Variants in WBP4 observed in about 807,000 individuals in gnomAD.
The protein encoded by WBP4 is WW domain binding protein 4, also known as WW domain-binding protein 4.
A neutral mutation model predicts 55.4 loss-of-function variants in WBP4; 37 were observed. The ratio of observed to expected loss-of-function variants is 0.67; its 90% CI spans 0.51 to 0.88. The LOEUF is 0.88. WBP4 is among the 40% of genes least tolerant of loss of function. The probability of loss-of-function intolerance (pLI) is 0.00; values close to 1 mark genes in which losing one functional copy is unlikely to be tolerated. For missense variants in WBP4, 398 were observed against 420.8 expected (o/e 0.95, Z 0.47); for synonymous variants, 142 against 140.2 (o/e 1.01, Z -0.09).
intron 8 of WBP4, among the ~76,000 whole-genome samples, chr13:41,077,244 A>G (rs1179572151): frequency 1.3e-5 from 2 of 152,202 alleles, no homozygotes; most frequent in Non-Finnish European, 2.9e-5. Flanking sequence ...GATAAAAAGC[A>G]TTTGTTAAAA....
chr13:41,082,630 T>C, intron 9 of WBP4, 74 bp from the exon 10 acceptor site: 1 of 1,377,696 alleles, frequency 7.3e-7, no homozygotes, highest in Non-Finnish European at 1.0e-6. Flanking sequence ...AGAAAGCTGA[T>C]CTTGGGGCAT....
At chr13:41,077,445 T>G (rs1172924577) in intron 8 of WBP4, among the ~76,000 whole-genome samples, 2 of 151,996 alleles carry the variant, frequency 1.3e-5, no homozygotes, top group Non-Finnish European at 2.9e-5. Flanking sequence ...TGAGCTGAGA[T>G]AGTGCCACTG....
At position 41,068,746 on chromosome 13, in the gene WBP4, T is replaced by A; in HGVS notation, c.439+9T>A. 2 of 1,559,894 alleles carry A rather than the reference T, an allele frequency of 1.3e-6. No individual in the cohort carries two copies. Among genetic ancestry groups the A allele is most frequent in the Non-Finnish European group, 1.7e-6 (2 of 1,154,852 alleles). On this transcript the variant is annotated intron_variant, in intron 5 of 9. Coordinates refer to ENST00000379487, the MANE Select transcript of WBP4 (RefSeq NM_007187.5). ...TGATCTTATCTCAGGAGGTAAGTCA[T>A]TTAGGCATAAAACTGGTAAAGAACA...
chr13:41,073,785 C>G (rs754858772), intron 7 of WBP4, among the ~76,000 whole-genome samples: 1 of 151,962 alleles, frequency 6.6e-6, no homozygotes, highest in African/African-American at 2.4e-5. Context: ...CCAGTCTGGG[C>G]GACAGAGCAA....
chr13:41,074,107 A>G (rs1878372327), intron 7 of WBP4, among the ~76,000 whole-genome samples: 1 of 151,598 alleles, frequency 6.6e-6, no homozygotes, highest in South Asian at 2.1e-4. Context: ...AATTTTTTGT[A>G]TTTTTAGTAG....
At chr13:41,069,373 C>A (rs1314887102) in intron 5 of WBP4, among the ~76,000 whole-genome samples, 1 of 151,982 alleles carries the variant, frequency 6.6e-6, no homozygotes, top group African/African-American at 2.4e-5. Flanking sequence ...ACTAAAAATA[C>A]AAAATTAGGC....
chr13:41,080,200 A>G (rs1452140920), intron 8 of WBP4, among the ~76,000 whole-genome samples: 1 of 152,222 alleles, frequency 6.6e-6, no homozygotes, highest in Non-Finnish European at 1.5e-5. Context: ...TGTGCCCCCT[A>G]AGTTATTTTT....
Position 41,083,292 on chromosome 13 carries a change from C to A in WBP4, c.*378C>A, listed in dbSNP as rs1362939342. 1 of 174,998 alleles carries A rather than the reference C, an allele frequency of 5.7e-6. No homozygotes were observed. Among genetic ancestry groups the A allele is most frequent in the African/African-American group, 2.4e-5 (1 of 41,736 alleles). The allele number at this position is 174,998 out of a possible 1,614,324, so 10.8% of individuals were successfully genotyped here. On this transcript the variant is annotated 3_prime_UTR_variant, in exon 10 of 10. Coordinates refer to ENST00000379487, the MANE Select transcript of WBP4 (RefSeq NM_007187.5). ...TTTGCACATTGATATTAACTGTTGT[C>A]CAACAAATAAGTATCGGAGTACGTG...
rs1269951822 is a variant in WBP4 at position 41,068,677 on chromosome 13, A to G, written c.379A>G (p.Arg127Gly). 1.5e-5 allele frequency: 24 copies of G among 1,613,690 alleles called. No individual in the cohort carries two copies. Among genetic ancestry groups the G allele is most frequent in the Non-Finnish European group, 1.9e-5 (23 of 1,179,870 alleles). ...KKRKKDPSKG[R>G]WVEGITSEGY... Reference sequence around the variant, plus strand: ...AAGAAAAAAAGATCCTTCAAAGGGCAGATGGGTAGAAGGCATAACCTCTGA... The same window carrying G: ...AAGAAAAAAAGATCCTTCAAAGGGCGGATGGGTAGAAGGCATAACCTCTGA... Residue 127 changes from arginine (R) to glycine (G), a missense_variant, in exon 5 of 10, where the codon AGA (arginine) becomes GGA (glycine). Physicochemically the swap from Arg to Gly is moderately radical, Grantham distance 125 (BLOSUM62 -2). Transcript: ENST00000379487.
At chr13:41,068,235 C>G (rs1878064621) in intron 4 of WBP4, among the ~76,000 whole-genome samples, 1 of 152,038 alleles carries the variant, frequency 6.6e-6, no homozygotes, top group Admixed American at 6.5e-5. Flanking sequence ...TACCAGCCAA[C>G]CTGAAGTTGG....
chr13:41,080,436 G>C (rs929521790), intron 8 of WBP4, among the ~76,000 whole-genome samples: 1 of 152,080 alleles, frequency 6.6e-6, no homozygotes, highest in East Asian at 1.9e-4. Flanking sequence ...TGGTGATTTA[G>C]GGAGCCTTTG....
chr13:41,062,364 A>G, intron 1 of WBP4: 2 of 887,180 alleles, frequency 2.3e-6, no homozygotes, highest in Non-Finnish European at 2.7e-6. Flanking sequence ...GATGTTCCTT[A>G]GTTTTTCATA....
intron 2 of WBP4, among the ~76,000 whole-genome samples, 169 bp from the exon 3 acceptor site, chr13:41,064,847 C>G (rs959583029): frequency 6.6e-6 from 1 of 152,076 alleles, no homozygotes; most frequent in Admixed American, 6.6e-5. Context: ...ATGTAGTTCC[C>G]TAGCATCATT....
rs749072820 is a variant in WBP4, at chr13:41,065,212, A to G, written c.187A>G (p.Lys63Glu). 5 of 1,613,090 alleles carry G rather than the reference A, an allele frequency of 3.1e-6. No homozygotes were observed. The highest frequency in any genetic ancestry group is 2.5e-6 in the Non-Finnish European group (3 of 1,179,636). Residue 63 changes from lysine to glutamate, a missense_variant, in exon 4 of 10, where the codon AAG becomes GAG. Physicochemically the swap from Lys to Glu is moderately conservative, Grantham distance 56 (BLOSUM62 1). Coordinates refer to ENST00000379487, the MANE Select transcript of WBP4 (RefSeq NM_007187.5). ...GGCAAAGGAAGAAGAAAAGGCATCAAAGGAGTTTGCTGCAATGGAGGCAGC... is the reference window on the plus strand; with the variant it reads ...GGCAAAGGAAGAAGAAAAGGCATCAGAGGAGTTTGCTGCAATGGAGGCAGC... ...DKAKEEEKAS[K>E]EFAAMEAAAL...
At chr13:41,062,524 TA>T in intron 1 of WBP4, 119 bp from the exon 2 acceptor site, 1 of 909,788 alleles carries the variant, frequency 1.1e-6, no homozygotes, top group Non-Finnish European at 1.6e-6. Flanking sequence ...CGACTATACA[TA>T]ACAAGACAAG....
intron 7 of WBP4, among the ~76,000 whole-genome samples, 167 bp downstream of exon 7, chr13:41,073,024 A>G (rs1378046446): frequency 6.6e-6 from 1 of 152,250 alleles, no homozygotes; most frequent in African/African-American, 2.4e-5. Context: ...GTGGAAAAGC[A>G]AAAAGATTTA....
intron 1 of WBP4, chr13:41,062,367 T>A (rs1347525091): frequency 9.1e-6 from 8 of 879,838 alleles, no homozygotes; most frequent in Non-Finnish European, 9.5e-6. Context: ...GTTCCTTAGT[T>A]TTTCATAACG....
At position 41,082,936 on chromosome 13, in the gene WBP4, A is replaced by C. The variant is rs543204434; in HGVS notation, c.*22A>C. ...ATAGTTGCAGGAGAGCTTTTTGTAC[A>C]TGCTTTTAGGACAGAATGGAGACTT... On this transcript the variant is annotated 3_prime_UTR_variant, in exon 10 of 10. Coordinates refer to ENST00000379487, the MANE Select transcript of WBP4 (RefSeq NM_007187.5). 14 of 1,611,628 alleles carry C rather than the reference A, an allele frequency of 8.7e-6. No individual in the cohort carries two copies. The highest frequency in any genetic ancestry group is 1.2e-5 in the Non-Finnish European group (14 of 1,178,408).
At chr13:41,070,462 G>C (rs1356711275) in intron 5 of WBP4, among the ~76,000 whole-genome samples, 1 of 151,936 alleles carries the variant, frequency 6.6e-6, no homozygotes, top group Admixed American at 6.6e-5. Flanking sequence ...AGTTAGACTG[G>C]AAGGTAGATT....
Sources: gnomAD v4.1 joint callset for allele counts (sites outside exome capture counted in the v4.1 genomes callset) on GRCh38, gnomAD v4.1.1 for gene constraint, MANE v1.5 for transcripts, NCBI Gene and HGNC (gene_info 2026-07-23, HGNC 2026-07-21) for gene names.